Variants in IMMP2L observed in about 807,000 individuals in gnomAD.
IMMP2L encodes inner mitochondrial membrane peptidase subunit 2.
A neutral mutation model predicts 19.3 loss-of-function variants in IMMP2L; 18 were observed. That is an observed-to-expected ratio of 0.93 (90% CI 0.64 to 1.38). The LOEUF is 1.38. IMMP2L is among the 40% of genes most tolerant of loss of function. The pLI is 0.00. For synonymous variants in IMMP2L, 76 were observed against 73.0 expected, an observed-to-expected ratio of 1.04 and a Z score of -0.21; for missense variants, 233 against 218.2, an observed-to-expected ratio of 1.07 and a Z score of -0.43.
chr7:110,821,561 T>C (rs191323645), intron 5 of IMMP2L, among the ~76,000 whole-genome samples: 1 of 152,032 alleles, frequency 6.6e-6, no homozygotes, highest in African/African-American at 2.4e-5. Flanking sequence ...GGCTGAGACC[T>C]AGACATTTAT....
intron 3 of IMMP2L, among the ~76,000 whole-genome samples, chr7:111,404,962 C>G (rs193101393): frequency 1.3e-5 from 2 of 152,028 alleles, no homozygotes; most frequent in African/African-American, 4.8e-5. Flanking sequence ...CTTATAGCAA[C>G]GTCAGAAAAA....
At chr7:111,041,656 G>T (rs1791911810) in intron 3 of IMMP2L, among the ~76,000 whole-genome samples, 1 of 151,532 alleles carries the variant, frequency 6.6e-6, no homozygotes, top group Admixed American at 6.6e-5. Context: ...CTATCCTTGA[G>T]AATCTCCTTT....
chr7:111,017,406 T>C (rs1196745439), intron 3 of IMMP2L, among the ~76,000 whole-genome samples: 1 of 152,010 alleles, frequency 6.6e-6, no homozygotes, highest in African/African-American at 2.4e-5. Context: ...TTTCCAGTAA[T>C]GTCAAAAGTC....
chr7:110,968,396 G>A (rs1563120750), intron 3 of IMMP2L, among the ~76,000 whole-genome samples: 1 of 152,096 alleles, frequency 6.6e-6, no homozygotes, highest in Admixed American at 6.6e-5. Context: ...CTGGAGGCTG[G>A]GTGCAGTGGC....
rs1806626369 is a variant in IMMP2L at position 111,173,010 on chromosome 7, C to A, written c.240-209445G>T. On this transcript the variant is annotated intron_variant, in intron 3 of 5. Transcript: ENST00000405709. ...CTGCTGAGGGACTGCTATTGCACCA[C>A]ATGCTATAGACAAATGAACAATACA... is the stretch of plus-strand genomic sequence containing the variant. Among the ~76,000 whole-genome samples the A allele has an allele frequency of 2.0e-5, 3 of 151,486 alleles. No individual in the cohort carries two copies. The South Asian group carries it at 6.2e-4, about 31-fold the overall frequency.
At chr7:111,457,962 A>G (rs905379339) in intron 3 of IMMP2L, among the ~76,000 whole-genome samples, 13 of 150,306 alleles carry the variant, frequency 8.6e-5, no homozygotes, top group Admixed American at 3.3e-4. Flanking sequence ...TGTATCAACA[A>G]ATGTTCGAGT....
At chr7:110,843,371 G>C (rs1487488419) in intron 5 of IMMP2L, among the ~76,000 whole-genome samples, 1 of 152,128 alleles carries the variant, frequency 6.6e-6, no homozygotes, top group Non-Finnish European at 1.5e-5. Flanking sequence ...GTTGTGGTTT[G>C]ATGGTGATGA....
At chr7:111,384,395 TAG>T (rs1225732979) in intron 3 of IMMP2L, among the ~76,000 whole-genome samples, 1 of 151,930 alleles carries the variant, frequency 6.6e-6, no homozygotes, top group Non-Finnish European at 1.5e-5. Context: ...GGAAATCAGG[TAG>T]AGATTGCTGA....
chr7:111,197,920 T>C (rs1809678620), intron 3 of IMMP2L, among the ~76,000 whole-genome samples: 1 of 152,172 alleles, frequency 6.6e-6, no homozygotes, highest in Non-Finnish European at 1.5e-5. Context: ...AAAGCAAAGA[T>C]ATACCTTACA....
intron 5 of IMMP2L, among the ~76,000 whole-genome samples, chr7:110,773,171 G>A (rs1040125036): frequency 6.6e-6 from 1 of 152,018 alleles, no homozygotes; most frequent in Non-Finnish European, 1.5e-5. Context: ...TATTAGTTTA[G>A]TCACTGTGTG....
intron 5 of IMMP2L, among the ~76,000 whole-genome samples, chr7:110,716,826 A>G (rs923858535): frequency 6.6e-6 from 1 of 152,196 alleles, no homozygotes; most frequent in African/African-American, 2.4e-5. Flanking sequence ...GGTTTTGACT[A>G]ATTAAATATG....
At chr7:110,701,399 G>C (rs1024086537) in intron 5 of IMMP2L, among the ~76,000 whole-genome samples, 1 of 151,800 alleles carries the variant, frequency 6.6e-6, no homozygotes, top group East Asian at 1.9e-4. Context: ...ATTAAATCTT[G>C]GGAAACATGA....
rs113846269 is a variant in IMMP2L at position 111,212,774 on chromosome 7, T to C, written c.240-249209A>G. 3.5e-3 allele frequency among the ~76,000 whole-genome samples: 537 copies of C among 152,250 alleles called. 2 individuals are homozygous for C. Among genetic ancestry groups the C allele is most frequent in the African/African-American group, 0.012 (507 of 41,534 alleles). On this transcript the variant is annotated intron_variant, in intron 3 of 5. Transcript: ENST00000405709. The stretch of plus-strand genomic sequence containing the variant: ...GGGTCTGGTTGAAAAAGAAGAGCAA[T>C]TCTAAAGGTAAAGGATAATAACATG...
intron 5 of IMMP2L, among the ~76,000 whole-genome samples, chr7:110,694,251 A>T (rs369722413): frequency 1.3e-5 from 2 of 152,182 alleles, no homozygotes; most frequent in Admixed American, 6.5e-5. Flanking sequence ...ACTAGAATTT[A>T]TTGTTCTGGG....
chr7:111,137,078 C>G (rs1273530083), intron 3 of IMMP2L, among the ~76,000 whole-genome samples: 1 of 151,988 alleles, frequency 6.6e-6, no homozygotes, highest in Non-Finnish European at 1.5e-5. Context: ...ATGCATAAAT[C>G]TAGAGGCTAA....
intron 3 of IMMP2L, among the ~76,000 whole-genome samples, chr7:111,164,456 G>T (rs1169562122): frequency 6.6e-6 from 1 of 152,010 alleles, no homozygotes; most frequent in Non-Finnish European, 1.5e-5. Context: ...ATGTTGTGAG[G>T]AAGCACTGGG....
At chr7:111,510,956 T>C (rs1278115508) in intron 2 of IMMP2L, among the ~76,000 whole-genome samples, 2 of 151,366 alleles carry the variant, frequency 1.3e-5, no homozygotes, top group East Asian at 3.9e-4. Context: ...CATAAAAGAA[T>C]ACAAAACATC....
At chr7:111,443,661 G>A (rs1176387707) in intron 3 of IMMP2L, among the ~76,000 whole-genome samples, 3 of 152,096 alleles carry the variant, frequency 2.0e-5, no homozygotes, top group Admixed American at 1.3e-4. Flanking sequence ...TTTTTCAAAT[G>A]TTTTGACACA....
At chr7:111,485,838 T>G (rs1205651184) in intron 3 of IMMP2L, among the ~76,000 whole-genome samples, 1 of 151,984 alleles carries the variant, frequency 6.6e-6, no homozygotes, top group Non-Finnish European at 1.5e-5. Context: ...TTTTCAATTA[T>G]CTATTTAAGT....
Sources: allele counts gnomAD v4.1 joint callset (sites outside exome capture counted in the v4.1 genomes callset), GRCh38; gene constraint gnomAD v4.1.1; transcripts MANE v1.5; gene names NCBI Gene and HGNC (gene_info 2026-07-23, HGNC 2026-07-21).